TMCC1: variants seen among roughly 807,000 people sequenced by gnomAD.
TMCC1 encodes transmembrane and coiled-coil domain family 1.
A neutral mutation model predicts 52.4 loss-of-function variants in TMCC1; 15 were observed. That is an observed-to-expected ratio of 0.29 (90% CI 0.19 to 0.44). TMCC1 has a LOEUF of 0.44. Ranked by LOEUF, TMCC1 falls within the 20% of genes least tolerant of loss-of-function variation. The pLI, the probability that TMCC1 is intolerant of heterozygous loss-of-function variation, is 1.00. For synonymous variants in TMCC1, 279 were observed against 301.9 expected (o/e 0.92, Z 0.79); for missense variants, 503 against 806.0 (o/e 0.62, Z 4.55).
At chr3:129,676,645 A>C (rs891538576) in intron 4 of TMCC1, among the ~76,000 whole-genome samples, 1 of 152,202 alleles carries the variant, frequency 6.6e-6, no homozygotes, top group African/African-American at 2.4e-5. Context: ...AGAACACAAT[A>C]GCACCCAGCT....
At chr3:129,660,812 T>C (rs1023661172) in intron 5 of TMCC1, among the ~76,000 whole-genome samples, 1 of 152,204 alleles carries the variant, frequency 6.6e-6, no homozygotes, top group African/African-American at 2.4e-5. Flanking sequence ...ATGTTGTCCA[T>C]GCTGGAGTAC....
intron 2 of TMCC1, among the ~76,000 whole-genome samples, chr3:129,853,811 C>G (rs942951932): frequency 2.6e-5 from 4 of 152,030 alleles, no homozygotes; most frequent in Non-Finnish European, 1.5e-5. Flanking sequence ...CAAAACAAAA[C>G]AAAACCTGTC....
At chr3:129,830,740 T>A (rs559382490) in intron 3 of TMCC1, among the ~76,000 whole-genome samples, 1 of 152,336 alleles carries the variant, frequency 6.6e-6, no homozygotes, top group African/African-American at 2.4e-5. Flanking sequence ...CAAGGTTAGC[T>A]GAGGATCATT....
At chr3:129,836,074 A>T (rs890663425) in intron 2 of TMCC1, among the ~76,000 whole-genome samples, 1 of 152,230 alleles carries the variant, frequency 6.6e-6, no homozygotes, top group African/African-American at 2.4e-5. Flanking sequence ...CAGCTGCTCT[A>T]GCTGTATTAA....
chr3:129,888,631 T>C (rs1395130330), intron 1 of TMCC1, among the ~76,000 whole-genome samples: 2 of 152,158 alleles, frequency 1.3e-5, no homozygotes, highest in Non-Finnish European at 2.9e-5. Context: ...GAGCTCCCAA[T>C]GGCCAAAGCT....
At position 129,828,132 on chromosome 3, in the gene TMCC1, G is replaced by C. The variant is rs1446880690; in HGVS notation, c.247C>G (p.Leu83Val). 6.2e-7 allele frequency: 1 copy of C among 1,614,022 alleles called. No homozygotes were observed. Among genetic ancestry groups the C allele is most frequent in the East Asian group, 2.2e-5 (1 of 44,890 alleles). The change falls in exon 4 of 7, where the codon CTG becomes GTG. Residue 83 changes from leucine (L) to valine (V), a missense_variant. Leu to Val is a conservative substitution (Grantham distance 32, BLOSUM62 1). Transcript: ENST00000393238. The surrounding 1 kb of genome is among the most constrained non-coding windows in gnomAD (Gnocchi z 4.1). ...TCAGCACATGCGTTCTGGCTTTCCAGATCCATTTCAGGTTCTGGATCTGCC... is the reference window on the plus strand; with the variant it reads ...TCAGCACATGCGTTCTGGCTTTCCACATCCATTTCAGGTTCTGGATCTGCC... ...IQADPEPEMD[L>V]ESQNACAEID...
intron 2 of TMCC1, among the ~76,000 whole-genome samples, chr3:129,861,359 G>A (rs748144297): frequency 3.3e-5 from 5 of 152,036 alleles, no homozygotes; most frequent in Non-Finnish European, 7.4e-5. Flanking sequence ...AGAATCGCTC[G>A]AACCTAGGAG....
At chr3:129,760,823 GC>G (rs2107676919) in intron 4 of TMCC1, among the ~76,000 whole-genome samples, 1 of 150,668 alleles carries the variant, frequency 6.6e-6, no homozygotes, top group East Asian at 2.0e-4. Flanking sequence ...TGTTGCCCAG[GC>G]TGGTCTTGAA....
At chr3:129,655,968 G>T (rs1218122727) in intron 5 of TMCC1, among the ~76,000 whole-genome samples, 1 of 152,192 alleles carries the variant, frequency 6.6e-6, no homozygotes, top group Non-Finnish European at 1.5e-5. Flanking sequence ...GATGATAAAT[G>T]TACAGAATAA....
At position 129,769,378 on chromosome 3, in the gene TMCC1, C is replaced by T. The variant is rs530901489; in HGVS notation, c.576+58425G>A. ...CTGAATAGCTGGGATTACAGGGGCACGACACCACACCTGGCTAATTTTTGT... is the reference window on the plus strand; with the variant it reads ...CTGAATAGCTGGGATTACAGGGGCATGACACCACACCTGGCTAATTTTTGT... On this transcript the variant is annotated intron_variant, in intron 4 of 6. Transcript: ENST00000393238. 5.0e-4 allele frequency among the ~76,000 whole-genome samples: 76 copies of T among 152,078 alleles called. 1 individual carries two copies. Among genetic ancestry groups the T allele is most frequent in the African/African-American group, 8.9e-4 (37 of 41,492 alleles).
intron 4 of TMCC1, among the ~76,000 whole-genome samples, chr3:129,702,298 CATA>C (rs951916121): frequency 6.8e-6 from 1 of 147,710 alleles, no homozygotes; most frequent in Non-Finnish European, 1.5e-5. Flanking sequence ...GTAACATTTT[CATA>C]ATAATAGGTT....
chr3:129,765,828 C>T (rs1252632196), intron 4 of TMCC1, among the ~76,000 whole-genome samples: 1 of 151,900 alleles, frequency 6.6e-6, no homozygotes, highest in Non-Finnish European at 1.5e-5. Context: ...AAATCAGACC[C>T]TCACTTTAAG....
chr3:129,827,660 C>G (rs2058714566), intron 4 of TMCC1, 143 bp downstream of exon 4: 2 of 878,500 alleles, frequency 2.3e-6, no homozygotes, highest in South Asian at 3.6e-5. Flanking sequence ...TTATTATTTA[C>G]CCATTTGAAA....
intron 2 of TMCC1, among the ~76,000 whole-genome samples, chr3:129,878,490 G>C (rs751951760): frequency 1.3e-5 from 2 of 152,056 alleles, no homozygotes; most frequent in Non-Finnish European, 2.9e-5. Flanking sequence ...AATATATCCA[G>C]AATCAGATCA....
chr3:129,794,123 A>C (rs965668129), intron 4 of TMCC1, among the ~76,000 whole-genome samples: 2 of 152,216 alleles, frequency 1.3e-5, no homozygotes, highest in African/African-American at 2.4e-5. Context: ...TTTTAGGGGA[A>C]CACAATCTGG....
At chr3:129,805,364 T>C (rs376298982) in intron 4 of TMCC1, among the ~76,000 whole-genome samples, 158 of 152,226 alleles carry the variant, frequency 1.0e-3, no homozygotes, top group African/African-American at 3.4e-3. Context: ...GGTTTTGCCT[T>C]GTTGCCCAGG....
chr3:129,802,670 C>A (rs1480390766), intron 4 of TMCC1, among the ~76,000 whole-genome samples: 1 of 152,142 alleles, frequency 6.6e-6, no homozygotes, highest in Non-Finnish European at 1.5e-5. Context: ...GTAACCAAGA[C>A]AGTATTCCTG....
chr3:129,816,636 G>A (rs1008378475), intron 4 of TMCC1, among the ~76,000 whole-genome samples: 19 of 152,072 alleles, frequency 1.2e-4, no homozygotes, highest in African/African-American at 4.1e-4. Flanking sequence ...CAAATAAACG[G>A]GGTCTGATAG....
rs769836183 is a variant in TMCC1 at position 129,650,053 on chromosome 3, A to G, written c.*1428T>C. 11 of 152,596 alleles carry G rather than the reference A, an allele frequency of 7.2e-5. No individual in the cohort carries two copies. Among genetic ancestry groups the G allele is most frequent in the Non-Finnish European group, 1.5e-4 (10 of 68,036 alleles). The allele number at this position is 152,596 out of a possible 1,614,324, so 9.5% of individuals were successfully genotyped here. A position where few individuals can be genotyped will look rare whatever the true frequency, so the allele number is the denominator to read the frequency against. On this transcript the variant is annotated 3_prime_UTR_variant, in exon 7 of 7. Transcript: ENST00000393238. Reference sequence around the variant, plus strand: ...ATTTCCTTCACTGCTCTTTAGGAGAATCACCTTTGGTTGATTCTCTTAGGC... The same window carrying G: ...ATTTCCTTCACTGCTCTTTAGGAGAGTCACCTTTGGTTGATTCTCTTAGGC...
Sources: gnomAD v4.1 joint callset for allele counts (sites outside exome capture counted in the v4.1 genomes callset) on GRCh38, gnomAD v4.1.1 for gene constraint, Gnocchi (gnomAD v3.1) non-coding constraint, MANE v1.5 for transcripts, NCBI Gene and HGNC (gene_info 2026-07-23, HGNC 2026-07-21) for gene names.